Variants in CNTN3 observed in about 807,000 individuals in gnomAD.
CNTN3 encodes the protein contactin-3.
A neutral mutation model predicts 119.1 loss-of-function variants in CNTN3; 60 were observed. The observed-to-expected ratio is 0.50, with a 90% confidence interval of 0.41 to 0.62. The LOEUF (loss-of-function observed/expected upper bound fraction) is 0.62. Among genes scored for constraint, CNTN3 ranks in the 20% least tolerant of loss-of-function variants. CNTN3 has a pLI of 0.00. For synonymous variants in CNTN3, 450 were observed against 438.7 expected (o/e 1.03, Z -0.32); for missense variants, 1,101 against 1,242.4 (o/e 0.89, Z 1.71).
chr3:74,437,323 G>A (rs1209512433), intron 4 of CNTN3, among the ~76,000 whole-genome samples: 2 of 151,986 alleles, frequency 1.3e-5, no homozygotes, highest in African/African-American at 2.4e-5. Flanking sequence ...TTAGCCGGGT[G>A]TGGTGGCGGA....
rs752462306 is a variant in CNTN3 at position 74,299,894 on chromosome 3, G to A, written c.2140C>T (p.Arg714Trp). Reference protein sequence around the residue: ...PSEVNGGGGSRSELVITWDPV... With the variant: ...PSEVNGGGGSWSELVITWDPV... ...TCCCAGGTTATCACAAGTTCAGACC[G>A]GCTTCCGCCTCCTCCATTGACTTCA... is the stretch of plus-strand genomic sequence containing the variant. Residue 714 changes from arginine to tryptophan, a missense_variant, in exon 17 of 23, where the codon CGG becomes TGG. Transcript: ENST00000263665. The A allele has an allele frequency of 1.7e-5, 28 of 1,605,850 alleles. No homozygotes were observed. The Admixed American group carries it at 1.9e-4, about 11-fold the overall frequency.
rs549260068 is a variant in CNTN3, at chr3:74,372,407, G to A, written c.455-1008C>T. Among the ~76,000 whole-genome samples the A allele has an allele frequency of 6.8e-4, 103 of 152,142 alleles. 1 individual carries two copies. In the South Asian group the frequency reaches 0.021, roughly 31 times the overall value. Reference sequence around the variant, plus strand: ...CATTGTTCTTCTCTTTTATGATAATGAGGGCTAGATAATAATATGCCACTT... The same window carrying A: ...CATTGTTCTTCTCTTTTATGATAATAAGGGCTAGATAATAATATGCCACTT... On this transcript the variant is annotated intron_variant, in intron 5 of 22. Transcript: ENST00000263665.
At chr3:74,596,661 C>T (rs1206227220) in intron 1 of CNTN3, among the ~76,000 whole-genome samples, 9 of 152,000 alleles carry the variant, frequency 5.9e-5, no homozygotes, top group African/African-American at 2.2e-4. Context: ...TGGATCCCTT[C>T]CAAAACTGTA....
At chr3:74,453,439 C>A (rs1194761921) in intron 4 of CNTN3, among the ~76,000 whole-genome samples, 6 of 152,046 alleles carry the variant, frequency 3.9e-5, no homozygotes, top group Non-Finnish European at 5.9e-5. Flanking sequence ...ACCAGTCTAT[C>A]AATTTTGTTA....
chr3:74,398,984 C>G (rs144612784), intron 5 of CNTN3, among the ~76,000 whole-genome samples: 2 of 152,258 alleles, frequency 1.3e-5, no homozygotes, highest in Non-Finnish European at 2.9e-5. Context: ...GTTAGCATAT[C>G]TACCAACTCA....
At chr3:74,297,591 A>G (rs1417776306) in intron 18 of CNTN3, among the ~76,000 whole-genome samples, 2 of 152,206 alleles carry the variant, frequency 1.3e-5, no homozygotes, top group Non-Finnish European at 2.9e-5. Flanking sequence ...AGGCAAGGCG[A>G]ACATGGAGTA....
At chr3:74,477,624 T>C (rs1012252873) in intron 4 of CNTN3, among the ~76,000 whole-genome samples, 9 of 152,130 alleles carry the variant, frequency 5.9e-5, no homozygotes, top group African/African-American at 2.2e-4. Context: ...AGATGGTTAA[T>C]GGGTAAAATA....
At chr3:74,367,587 A>C (rs1166357813) in intron 8 of CNTN3, among the ~76,000 whole-genome samples, 3 of 151,994 alleles carry the variant, frequency 2.0e-5, no homozygotes, top group African/African-American at 7.2e-5. Flanking sequence ...GTAACAACTG[A>C]TGTGCTAGTC....
At chr3:74,465,530 A>G (rs1702445901) in intron 4 of CNTN3, among the ~76,000 whole-genome samples, 2 of 152,222 alleles carry the variant, frequency 1.3e-5, no homozygotes, top group Non-Finnish European at 2.9e-5. Flanking sequence ...CTTCTAATGG[A>G]AGAATCTAGA....
At chr3:74,595,902 C>T (rs1254455932) in intron 1 of CNTN3, among the ~76,000 whole-genome samples, 1 of 152,132 alleles carries the variant, frequency 6.6e-6, no homozygotes, top group Non-Finnish European at 1.5e-5. Flanking sequence ...GTCAAATTGT[C>T]CCTGTTTGCA....
chr3:74,527,290 T>C (rs552859695), intron 1 of CNTN3, among the ~76,000 whole-genome samples: 2 of 152,052 alleles, frequency 1.3e-5, no homozygotes, highest in South Asian at 2.1e-4. Context: ...GTTTTTTATA[T>C]GGTGAGGTAT....
At chr3:74,529,250 C>T (rs1209707535) in intron 1 of CNTN3, among the ~76,000 whole-genome samples, 1 of 151,780 alleles carries the variant, frequency 6.6e-6, no homozygotes, top group East Asian at 2.0e-4. Context: ...TAAACTTTTC[C>T]AATGGATTAA....
At chr3:74,451,692 T>G (rs1233781141) in intron 4 of CNTN3, among the ~76,000 whole-genome samples, 1 of 151,450 alleles carries the variant, frequency 6.6e-6, no homozygotes, top group Non-Finnish European at 1.5e-5. Flanking sequence ...GATTTTTGTA[T>G]AAGGTGTAAG....
chr3:74,424,768 G>A (rs1210877442), intron 5 of CNTN3, 77 bp downstream of exon 5: 3 of 1,150,304 alleles, frequency 2.6e-6, no homozygotes, highest in Admixed American at 1.9e-5. Flanking sequence ...ATTTACAGAT[G>A]CAATAACAGT....
At chr3:74,520,117 T>C (rs77428038) in intron 2 of CNTN3, among the ~76,000 whole-genome samples, 3,155 of 151,580 alleles carry the variant, frequency 0.021, 111 homozygotes, top group African/African-American at 0.069. Flanking sequence ...TCCTCAGGTA[T>C]CATGAAGAAA....
At chr3:74,277,823 A>C (rs1316221435) in intron 20 of CNTN3, among the ~76,000 whole-genome samples, 1 of 152,166 alleles carries the variant, frequency 6.6e-6, no homozygotes, top group Non-Finnish European at 1.5e-5. Flanking sequence ...GAAGAAGTCA[A>C]ACTGTCACTG....
chr3:74,273,955 T>G (rs1260409486), intron 20 of CNTN3, among the ~76,000 whole-genome samples: 1 of 152,172 alleles, frequency 6.6e-6, no homozygotes. Context: ...AACGGACTTT[T>G]TTGCTGTCAG....
At chr3:74,581,304 G>A (rs4677419) in intron 1 of CNTN3, among the ~76,000 whole-genome samples, 129,465 of 152,202 alleles carry the variant, frequency 0.85, 57,126 homozygotes, top group Non-Finnish European at 0.98. Flanking sequence ...TACAATGCCA[G>A]TACATTAAAA....
chr3:74,554,367 GTTC>G (rs1704038498), intron 1 of CNTN3, among the ~76,000 whole-genome samples: 1 of 151,692 alleles, frequency 6.6e-6, no homozygotes, highest in Admixed American at 6.6e-5. Flanking sequence ...CTCCAGCTTT[GTTC>G]TTCTTGTCCA....
Sources: gnomAD v4.1 joint callset for allele counts (sites outside exome capture counted in the v4.1 genomes callset) on GRCh38, gnomAD v4.1.1 for gene constraint, MANE v1.5 for transcripts, NCBI Gene and HGNC (gene_info 2026-07-23, HGNC 2026-07-21) for gene names.